The following CENPP variants were observed in gnomAD, a reference collection of about 807,000 sequenced individuals.
CENPP encodes centromere protein P.
Under a neutral mutation model 35.6 loss-of-function variants are expected in CENPP, and 24 were observed. That is an observed-to-expected ratio of 0.67 (90% CI 0.49 to 0.95). The LOEUF (loss-of-function observed/expected upper bound fraction) is 0.95. Among genes scored for constraint, CENPP ranks in the 40% least tolerant of loss-of-function variants. The pLI is 0.00. For synonymous variants in CENPP, 120 were observed against 125.5 expected (o/e 0.96, Z 0.29); for missense variants, 332 against 345.3 (o/e 0.96, Z 0.31).
At chr9:92,426,150 GTAGT>G (rs1212174481) in intron 5 of CENPP, among the ~76,000 whole-genome samples, 1 of 152,110 alleles carries the variant, frequency 6.6e-6, no homozygotes, top group East Asian at 1.9e-4. Context: ...GGAGGTGGTG[GTAGT>G]TAGAGTCAGG....
chr9:92,476,235 G>A lies in CENPP; in HGVS notation c.564+96376G>A, dbSNP rs1845710422. ...AGACTTCTATAGTCAGCCAGGATTGGCCCAGCCTCGGGAAGACCTACCCCT... is the reference window on the plus strand; with the variant it reads ...AGACTTCTATAGTCAGCCAGGATTGACCCAGCCTCGGGAAGACCTACCCCT... On this transcript the variant is annotated intron_variant, in intron 5 of 7. Transcript: ENST00000375587. The surrounding 1 kb of genome is among the most constrained non-coding windows in gnomAD (Gnocchi z 4.1). Among the ~76,000 whole-genome samples, 1 of 152,170 alleles carries A rather than the reference G, an allele frequency of 6.6e-6. No individual in the cohort carries two copies. The highest frequency in any genetic ancestry group is 2.4e-5 in the African/African-American group (1 of 41,524).
intron 5 of CENPP, among the ~76,000 whole-genome samples, chr9:92,595,634 C>T (rs1415326973): frequency 4.6e-5 from 7 of 150,822 alleles, no homozygotes; most frequent in Middle Eastern, 3.4e-3. Flanking sequence ...GGCACCATCT[C>T]GGCTCACTGC....
At chr9:92,585,603 T>G (rs1850521290) in intron 5 of CENPP, among the ~76,000 whole-genome samples, 1 of 152,028 alleles carries the variant, frequency 6.6e-6, no homozygotes, top group Non-Finnish European at 1.5e-5. Flanking sequence ...AATGGGAGAG[T>G]AGGGCTCTCA....
chr9:92,609,378 A>G (rs1851172686), intron 5 of CENPP, among the ~76,000 whole-genome samples: 1 of 152,176 alleles, frequency 6.6e-6, no homozygotes, highest in African/African-American at 2.4e-5. Flanking sequence ...TCAATCCGGC[A>G]AGTCTCTGGA....
intron 5 of CENPP, among the ~76,000 whole-genome samples, chr9:92,511,153 T>C (rs934380770): frequency 2.0e-5 from 3 of 152,148 alleles, no homozygotes; most frequent in African/African-American, 7.2e-5. Context: ...TGAGACAGGG[T>C]CTTCCTCTGT....
chr9:92,571,907 C>CT (rs145507230), intron 5 of CENPP, among the ~76,000 whole-genome samples: 4,689 of 127,052 alleles, frequency 0.037, 98 homozygotes, highest in Non-Finnish European at 0.044. Flanking sequence ...TGCAACTCCT[C>CT]TTTTTTTTTT....
chr9:92,419,913 T>C (rs1168123170), intron 5 of CENPP, among the ~76,000 whole-genome samples: 1 of 152,204 alleles, frequency 6.6e-6, no homozygotes, highest in African/African-American at 2.4e-5. Flanking sequence ...CTTAAGTTAT[T>C]TTCTTTGACA....
intron 5 of CENPP, chr9:92,474,945 ATTAAAT>A: frequency 6.6e-7 from 1 of 1,525,004 alleles, no homozygotes; most frequent in Non-Finnish European, 8.8e-7. Flanking sequence ...GACATGGGAT[ATTAAAT>A]TTAAATGGAT....
intron 5 of CENPP, among the ~76,000 whole-genome samples, chr9:92,428,865 T>C (rs1288525147): frequency 6.6e-6 from 1 of 152,156 alleles, no homozygotes; most frequent in Non-Finnish European, 1.5e-5. Flanking sequence ...TTCTGCGCTG[T>C]ACCCACACTG....
At chr9:92,468,710 G>T (rs185114758) in intron 5 of CENPP, among the ~76,000 whole-genome samples, 4 of 152,282 alleles carry the variant, frequency 2.6e-5, no homozygotes, top group South Asian at 2.1e-4. Flanking sequence ...TATAAAGCAT[G>T]TACTTTAAAA....
At chr9:92,610,051 G>A (rs1034138708) in intron 5 of CENPP, among the ~76,000 whole-genome samples, 2 of 151,906 alleles carry the variant, frequency 1.3e-5, no homozygotes, top group Non-Finnish European at 1.5e-5. Flanking sequence ...AAAAACACAA[G>A]TGTTTGTTTG....
At chr9:92,542,042 TCAGC>T (rs1274011045) in intron 5 of CENPP, among the ~76,000 whole-genome samples, 1 of 152,214 alleles carries the variant, frequency 6.6e-6, no homozygotes, top group African/African-American at 2.4e-5. Flanking sequence ...TCCACACACC[TCAGC>T]CTCCCAAAGT....
chr9:92,416,877 G>A (rs769744070), intron 5 of CENPP: 1 of 1,613,930 alleles, frequency 6.2e-7, no homozygotes, highest in Admixed American at 1.7e-5. Flanking sequence ...AAACCAGGAG[G>A]CATTGATTCT....
intron 5 of CENPP, among the ~76,000 whole-genome samples, chr9:92,501,375 T>G (rs1846664829): frequency 3.3e-5 from 5 of 152,206 alleles, no homozygotes; most frequent in Non-Finnish European, 7.3e-5. Context: ...GTTGATGCGT[T>G]GAATCCAAAA....
Position 92,616,119 on chromosome 9 carries a change from T to C in CENPP, c.*2970T>C, listed in dbSNP as rs940061095. 3 of 1,139,610 alleles carry C rather than the reference T, an allele frequency of 2.6e-6. No individual in the cohort carries two copies. The African/African-American group carries it at 4.6e-5, about 18-fold the overall frequency. The allele number at this position is 1,139,610 out of a possible 1,614,324, so 70.6% of individuals were successfully genotyped here. A position where few individuals can be genotyped will look rare whatever the true frequency, so the allele number is the denominator to read the frequency against. On this transcript the variant is annotated 3_prime_UTR_variant, in exon 8 of 8. Coordinates refer to ENST00000375587, the MANE Select transcript of CENPP (RefSeq NM_001012267.3). ...CCCCCATTCATTTCCCTCCCTCCCG[T>C]TCTCTCTCCCTTTCTTCTTTCAACT... is the stretch of plus-strand genomic sequence containing the variant.
chr9:92,510,340 C>G (rs1847260464), intron 5 of CENPP, among the ~76,000 whole-genome samples: 1 of 152,204 alleles, frequency 6.6e-6, no homozygotes, highest in Non-Finnish European at 1.5e-5. Flanking sequence ...GTCATTCTTG[C>G]TAGATCTTAG....
intron 5 of CENPP, chr9:92,401,192 G>A: frequency 7.5e-7 from 1 of 1,337,722 alleles, no homozygotes; most frequent in African/African-American, 1.5e-5. Flanking sequence ...TTTCCTATTG[G>A]AAAAATAAAA....
intron 6 of CENPP, among the ~76,000 whole-genome samples, chr9:92,611,972 T>C (rs1044664291): frequency 6.6e-6 from 1 of 152,214 alleles, no homozygotes; most frequent in African/African-American, 2.4e-5. Context: ...GGGACTTGCC[T>C]TTGTCACCGT....
chr9:92,443,761 T>G (rs7863234), intron 5 of CENPP, among the ~76,000 whole-genome samples: 67,257 of 151,656 alleles, frequency 0.44, 17,163 homozygotes, highest in African/African-American at 0.7. Flanking sequence ...CCTGGTTCAA[T>G]CAATTCCCCT....
Sources: gnomAD v4.1 joint callset for allele counts (sites outside exome capture counted in the v4.1 genomes callset) on GRCh38, gnomAD v4.1.1 for gene constraint, Gnocchi (gnomAD v3.1) non-coding constraint, MANE v1.5 for transcripts, NCBI Gene and HGNC (gene_info 2026-07-23, HGNC 2026-07-21) for gene names.